The following CNDP2 variants were observed in gnomAD, a reference collection of about 807,000 sequenced individuals.
CNDP2 encodes carnosine dipeptidase 2.
In CNDP2, 38 loss-of-function variants were observed where a neutral mutation model predicts 55.0. The observed-to-expected ratio is 0.69, with a 90% CI of 0.53 to 0.90. The LOEUF is 0.90. Ranked by LOEUF, CNDP2 falls within the 40% of genes least tolerant of loss-of-function variation. The pLI is 0.00. For missense variants in CNDP2, 607 were observed against 621.7 expected (o/e 0.98, Z 0.25); for synonymous variants, 241 against 260.2 (o/e 0.93, Z 0.71).
At position 74,517,141 on chromosome 18, in the gene CNDP2, G is replaced by C. The variant is rs112312642; in HGVS notation, c.1068+749G>C. Reference sequence around the variant, plus strand: ...CCTCGCTTGTCCTCACATGGCAGAGGGCAGGCTCTCGGTATCTTCTCACCC... The same window carrying C: ...CCTCGCTTGTCCTCACATGGCAGAGCGCAGGCTCTCGGTATCTTCTCACCC... On this transcript the variant is annotated intron_variant, in intron 9 of 11. Transcript: ENST00000324262. 3.3e-5 allele frequency: 5 copies of C among 152,324 alleles called. 1 individual carries two copies. Among genetic ancestry groups the C allele is most frequent in the African/African-American group, 1.2e-4 (5 of 41,542 alleles). 9.4% of individuals were successfully genotyped at this position (152,324 alleles called of 1,614,324 possible).
At chr18:74,497,424 G>GTC (rs1463147768) in intron 1 of CNDP2, 1 of 152,212 alleles carries the variant, frequency 6.6e-6, no homozygotes, top group Non-Finnish European at 1.5e-5. Context: ...TCATTTGTGT[G>GTC]TACTACTGAC....
chr18:74,507,350 A>C (rs1979087044), intron 4 of CNDP2: 1 of 152,824 alleles, frequency 6.5e-6, no homozygotes, highest in Admixed American at 6.6e-5. Context: ...CTCCTCTGGG[A>C]CCACTGCCCT....
Position 74,523,373 on chromosome 18 carries a change from G to A in CNDP2, c.*3305G>A, listed in dbSNP as rs1398074568. The A allele has an allele frequency of 6.6e-6, 1 of 152,186 alleles. No homozygotes were observed. Among genetic ancestry groups the A allele is most frequent in the Non-Finnish European group, 1.5e-5 (1 of 68,036 alleles). 9.4% of individuals were successfully genotyped at this position (152,186 alleles called of 1,614,324 possible). On this transcript the variant is annotated 3_prime_UTR_variant, in exon 12 of 12. Transcript: ENST00000324262. ...ACCCCTTTGCAAAGTATGAAGAACGGTTCCCACTCATGCATGGAGCTGGAT... is the reference window on the plus strand; with the variant it reads ...ACCCCTTTGCAAAGTATGAAGAACGATTCCCACTCATGCATGGAGCTGGAT...
chr18:74,496,601 C>T (rs1978427175), intron 1 of CNDP2, among the ~76,000 whole-genome samples, 170 bp downstream of exon 1: 1 of 152,184 alleles, frequency 6.6e-6, no homozygotes, highest in Non-Finnish European at 1.5e-5. Flanking sequence ...TTCCCGAGCG[C>T]GCGGTCGGGG....
At chr18:74,501,173 C>T in intron 2 of CNDP2, 156 bp from the exon 3 acceptor site, 1 of 1,374,326 alleles carries the variant, frequency 7.3e-7, no homozygotes, top group Non-Finnish European at 9.4e-7. Context: ...AATCTTTAAC[C>T]CAAAGCACAC....
chr18:74,505,564 G>A (rs8094908), intron 3 of CNDP2, among the ~76,000 whole-genome samples: 148,953 of 150,966 alleles, frequency 0.99, 73,520 homozygotes, highest in Middle Eastern at 1. Flanking sequence ...ACGCCACTGC[G>A]CTCCAGCCTG....
chr18:74,496,799 C>A (rs1409541860), intron 1 of CNDP2, among the ~76,000 whole-genome samples: 1 of 152,150 alleles, frequency 6.6e-6, no homozygotes, highest in Non-Finnish European at 1.5e-5. Flanking sequence ...TGCGGGGAGC[C>A]GAGCGCTGGT....
chr18:74,501,498 C>A, intron 3 of CNDP2, 26 bp downstream of exon 3: 1 of 1,606,660 alleles, frequency 6.2e-7, no homozygotes, highest in East Asian at 2.2e-5. Flanking sequence ...CTTTGCATTG[C>A]AGGACCGTAG....
At chr18:74,499,747 G>A (rs1978585211) in intron 1 of CNDP2, 135 bp from the exon 2 acceptor site, 1 of 430,678 alleles carries the variant, frequency 2.3e-6, no homozygotes, top group Non-Finnish European at 4.1e-6. Context: ...TTTAGCCCCA[G>A]CCTCTAACTG....
Position 74,505,912 on chromosome 18 carries a change from CAGA to C in CNDP2, c.275_277del (p.Lys92del), listed in dbSNP as rs1978991284. On this transcript the variant is annotated inframe_deletion, in exon 4 of 12. Coordinates refer to ENST00000324262, the MANE Select transcript of CNDP2 (RefSeq NM_018235.3). ...GCTCGGCAGGCTGGGCTCCGACCCA[CAGA>C]AGAAGACCGTGTGCATTTACGGGCA... 5 of 1,612,112 alleles carry C rather than the reference CAGA, an allele frequency of 3.1e-6. No individual in the cohort carries two copies. The highest frequency in any genetic ancestry group is 3.4e-6 in the Non-Finnish European group (4 of 1,179,386).
At chr18:74,497,169 T>G (rs962562321) in intron 1 of CNDP2, among the ~76,000 whole-genome samples, 13 of 151,944 alleles carry the variant, frequency 8.6e-5, no homozygotes, top group African/African-American at 2.7e-4. Flanking sequence ...CATCCAAGCA[T>G]AGACTGCAGG....
intron 3 of CNDP2, among the ~76,000 whole-genome samples, chr18:74,504,387 G>A (rs1051429522): frequency 4.6e-5 from 7 of 152,212 alleles, no homozygotes; most frequent in Admixed American, 1.3e-4. Context: ...CAGGCCACAC[G>A]CAGCACACTA....
At chr18:74,519,944 C>A in intron 11 of CNDP2, 55 bp from the exon 12 acceptor site, 1 of 1,541,816 alleles carries the variant, frequency 6.5e-7, no homozygotes, top group Non-Finnish European at 8.9e-7. Flanking sequence ...TCACCCCACA[C>A]CTGGGTGTTG....
rs150725923 is a variant in CNDP2 at position 74,519,064 on chromosome 18, C to T, written c.1326C>T (p.Asp442=). 765 of 1,611,628 alleles carry T rather than the reference C, an allele frequency of 4.7e-4. 6 individuals are homozygous for T. Among genetic ancestry groups the T allele is most frequent in the Middle Eastern group, 3.6e-3 (22 of 6,044 alleles). ...TGCTGCCTGTGGGGTCAGCGGATGA[C>T]GGAGCCCACTCCCAGAATGAAAAGC... is the stretch of plus-strand genomic sequence containing the variant. ...VMLLPVGSAD[D]GAHSQNEKLN... The change falls in exon 11 of 12, where the codon GAC becomes GAT. Residue 442 remains aspartate, a synonymous_variant. Coordinates refer to ENST00000324262, the MANE Select transcript of CNDP2 (RefSeq NM_018235.3).
Position 74,511,010 on chromosome 18 carries a change from C to T in CNDP2, c.654C>T (p.Ile218=), listed in dbSNP as rs1458018533. Residue 218 remains isoleucine (I), a synonymous_variant, in exon 6 of 12, where the codon ATC becomes ATT. Coordinates refer to ENST00000324262, the MANE Select transcript of CNDP2 (RefSeq NM_018235.3). ...YGLRGICYFF[I]EVECSNKDLH... is the part of the protein sequence containing the mutation. ...TCAGGGGCATTTGCTACTTTTTCAT[C>T]GAGGTACAGTGCCAAGCTGTACGGG... 7.4e-6 allele frequency: 12 copies of T among 1,613,424 alleles called. No homozygotes were observed. The highest frequency in any genetic ancestry group is 1.7e-4 in the Middle Eastern group (1 of 6,006).
intron 8 of CNDP2, among the ~76,000 whole-genome samples, chr18:74,514,331 A>G (rs1280504857): frequency 1.3e-5 from 2 of 152,010 alleles, no homozygotes; most frequent in Non-Finnish European, 2.9e-5. Context: ...TTTATGTGGT[A>G]TGGATGTAAG....
In CNDP2 at chr18:74,518,587, T is replaced by C; in HGVS notation, c.1157T>C (p.Val386Ala). The C allele has an allele frequency of 6.2e-7, 1 of 1,614,186 alleles. No individual in the cohort carries two copies. The highest frequency in any genetic ancestry group is 1.3e-5 in the African/African-American group (1 of 75,046). ...ATGGGCCACGGTGGGAAGCCCTGGG[T>C]CTCCGACTTCAGTCACCCTCATTAC... is the stretch of plus-strand genomic sequence containing the variant. ...VYMGHGGKPW[V>A]SDFSHPHYLA... Residue 386 changes from valine (V) to alanine (A), a missense_variant, in exon 10 of 12, where the codon GTC becomes GCC. Coordinates refer to ENST00000324262, the MANE Select transcript of CNDP2 (RefSeq NM_018235.3).
chr18:74,512,570 A>G (rs767672338), intron 7 of CNDP2, 38 bp downstream of exon 7: 2 of 1,572,218 alleles, frequency 1.3e-6, no homozygotes, highest in South Asian at 1.1e-5. Flanking sequence ...AGTTGAGGGG[A>G]AGTGGATGGG....
chr18:74,515,410 C>T (rs1382031168), intron 8 of CNDP2, among the ~76,000 whole-genome samples: 2 of 152,142 alleles, frequency 1.3e-5, no homozygotes, highest in Non-Finnish European at 2.9e-5. Context: ...AGGAGCGGGC[C>T]TGGGAGAAGG....
Sources: gnomAD v4.1 joint callset for allele counts (sites outside exome capture counted in the v4.1 genomes callset) on GRCh38, gnomAD v4.1.1 for gene constraint, MANE v1.5 for transcripts, NCBI Gene and HGNC (gene_info 2026-07-23, HGNC 2026-07-21) for gene names.